Variants in GALNTL6 observed in about 807,000 individuals in gnomAD.
The protein encoded by GALNTL6 is polypeptide N-acetylgalactosaminyltransferase like 6, also known as polypeptide N-acetylgalactosaminyltransferase-like 6.
Under a neutral mutation model 73.7 loss-of-function variants are expected in GALNTL6, and 46 were observed. That is an observed-to-expected ratio of 0.62 (90% CI 0.49 to 0.80). The LOEUF (loss-of-function observed/expected upper bound fraction) is 0.80, where lower values mean the gene tolerates loss of function less well. Among genes scored for constraint, GALNTL6 ranks in the 30% least tolerant of loss-of-function variants. The pLI, the probability that GALNTL6 is intolerant of heterozygous loss-of-function variation, is 0.00. For missense variants in GALNTL6, 604 were observed against 755.0 expected (o/e 0.80, Z 2.34); for synonymous variants, 259 against 263.7 (o/e 0.98, Z 0.17).
intron 5 of GALNTL6, among the ~76,000 whole-genome samples, chr4:172,549,992 A>T (rs888153184): frequency 1.3e-5 from 2 of 152,178 alleles, no homozygotes; most frequent in African/African-American, 4.8e-5. Context: ...TTTATTCTCC[A>T]CTGGATAGTT....
intron 5 of GALNTL6, among the ~76,000 whole-genome samples, chr4:172,618,648 T>C (rs1387235561): frequency 1.3e-5 from 2 of 152,210 alleles, no homozygotes; most frequent in African/African-American, 4.8e-5. Flanking sequence ...TCTATTGTTT[T>C]TTTAAAAAAT....
chr4:172,006,313 C>G (rs1317274422), intron 2 of GALNTL6, among the ~76,000 whole-genome samples: 1 of 152,082 alleles, frequency 6.6e-6, no homozygotes, highest in African/African-American at 2.4e-5. Flanking sequence ...GTGCTTTGAG[C>G]TTTAGTGACT....
intron 5 of GALNTL6, among the ~76,000 whole-genome samples, chr4:172,417,129 A>C (rs1264020139): frequency 6.6e-6 from 1 of 152,080 alleles, no homozygotes; most frequent in African/African-American, 2.4e-5. Context: ...ATATTGTCTA[A>C]AAACTCGGTC....
At chr4:172,841,083 G>A (rs899045081) in intron 7 of GALNTL6, among the ~76,000 whole-genome samples, 27 of 152,118 alleles carry the variant, frequency 1.8e-4, no homozygotes, top group African/African-American at 6.5e-4. Context: ...GAGACATGCT[G>A]CCACATCTGC....
chr4:172,394,474 C>G (rs1743778105), intron 5 of GALNTL6, among the ~76,000 whole-genome samples: 1 of 148,266 alleles, frequency 6.7e-6, no homozygotes, highest in Non-Finnish European at 1.5e-5. Flanking sequence ...TCTTGTCACC[C>G]AGGCTGGAGT....
At chr4:172,236,562 T>C (rs2638000) in intron 3 of GALNTL6, among the ~76,000 whole-genome samples, 1 of 147,296 alleles carries the variant, frequency 6.8e-6, no homozygotes, top group Non-Finnish European at 1.5e-5. Flanking sequence ...CCGTCTCAAA[T>C]AAAAAAAAAA....
At chr4:172,729,632 T>G (rs1436209093) in intron 5 of GALNTL6, among the ~76,000 whole-genome samples, 1 of 152,208 alleles carries the variant, frequency 6.6e-6, no homozygotes, top group Non-Finnish European at 1.5e-5. Context: ...TTTTTATTAC[T>G]ATAGCTTTAG....
At chr4:172,349,772 C>T (rs528235320) in intron 5 of GALNTL6, among the ~76,000 whole-genome samples, 5 of 151,260 alleles carry the variant, frequency 3.3e-5, no homozygotes, top group East Asian at 1.9e-4. Context: ...GAGCTGAGAT[C>T]GCACCACTGA....
At chr4:172,898,619 G>T (rs1012978188) in intron 8 of GALNTL6, among the ~76,000 whole-genome samples, 1 of 152,030 alleles carries the variant, frequency 6.6e-6, no homozygotes, top group Non-Finnish European at 1.5e-5. Flanking sequence ...ACCAGTTATT[G>T]CTGAGGGAAA....
chr4:171,885,940 A>G (rs1736596125), intron 2 of GALNTL6, among the ~76,000 whole-genome samples: 1 of 152,210 alleles, frequency 6.6e-6, no homozygotes, highest in African/African-American at 2.4e-5. Flanking sequence ...TGTAGAAACC[A>G]AATTCACTTC....
intron 3 of GALNTL6, 58 bp downstream of exon 3, chr4:172,229,822 C>G (rs1243110257): frequency 2.0e-6 from 2 of 1,007,804 alleles, no homozygotes; most frequent in Admixed American, 3.7e-5. Context: ...TCTCATTTGT[C>G]ACGTAAAGGA....
chr4:172,566,608 T>G (rs764453550), intron 5 of GALNTL6, among the ~76,000 whole-genome samples: 8 of 151,744 alleles, frequency 5.3e-5, no homozygotes, highest in Non-Finnish European at 1.2e-4. Flanking sequence ...ACAACATAAC[T>G]TTAAGTATCA....
chr4:172,758,855 A>G (rs569330061), intron 5 of GALNTL6, among the ~76,000 whole-genome samples: 1 of 152,324 alleles, frequency 6.6e-6, no homozygotes, highest in African/African-American at 2.4e-5. Context: ...AAGGCTCAGA[A>G]CTATTTGCAG....
chr4:172,323,915 T>C (rs1740846328), intron 4 of GALNTL6, among the ~76,000 whole-genome samples: 1 of 152,080 alleles, frequency 6.6e-6, no homozygotes, highest in African/African-American at 2.4e-5. Context: ...ATTGGTGTCC[T>C]TTCCACACAG....
chr4:172,667,232 TC>T (rs1472035749), intron 5 of GALNTL6: 2 of 152,198 alleles, frequency 1.3e-5, no homozygotes, highest in Non-Finnish European at 2.9e-5. Flanking sequence ...TATTGCACTC[TC>T]CTCCCTTCTA....
chr4:172,851,885 C>T (rs530213479), intron 7 of GALNTL6, among the ~76,000 whole-genome samples: 1 of 152,258 alleles, frequency 6.6e-6, no homozygotes, highest in African/African-American at 2.4e-5. Context: ...GTTCAAATGA[C>T]AAGATTCTGG....
intron 8 of GALNTL6, among the ~76,000 whole-genome samples, chr4:172,907,816 G>C (rs1746983238): frequency 6.6e-6 from 1 of 152,176 alleles, no homozygotes. Context: ...TTCATGGGTA[G>C]ATTTGTTCTT....
At chr4:172,834,557 T>G (rs1301344586) in intron 7 of GALNTL6, among the ~76,000 whole-genome samples, 1 of 152,230 alleles carries the variant, frequency 6.6e-6, no homozygotes, top group African/African-American at 2.4e-5. Flanking sequence ...AAGAAGAGGA[T>G]GGGCTGCCCT....
chr4:172,599,334 A>G (rs1737969440), intron 5 of GALNTL6, among the ~76,000 whole-genome samples: 1 of 151,392 alleles, frequency 6.6e-6, no homozygotes, highest in African/African-American at 2.4e-5. Flanking sequence ...ACTGTTAAAA[A>G]TGTACAACTA....
Sources: gnomAD v4.1 joint callset for allele counts (sites outside exome capture counted in the v4.1 genomes callset) on GRCh38, gnomAD v4.1.1 for gene constraint, MANE v1.5 for transcripts, NCBI Gene and HGNC (gene_info 2026-07-23, HGNC 2026-07-21) for gene names.